DPYD: variants seen among roughly 807,000 people sequenced by gnomAD.
DPYD encodes dihydropyrimidine dehydrogenase.
A neutral mutation model predicts 116.2 loss-of-function variants in DPYD; 109 were observed. That is an observed-to-expected ratio of 0.94 (90% CI 0.80 to 1.10). The LOEUF (loss-of-function observed/expected upper bound fraction) is 1.10. Ranked by LOEUF, DPYD falls within the 50% of genes least tolerant of loss-of-function variation. The pLI, the probability that DPYD is intolerant of heterozygous loss-of-function variation, is 0.00. For missense variants in DPYD, 1,302 were observed against 1,254.5 expected (o/e 1.04, Z -0.57); for synonymous variants, 440 against 432.0 (o/e 1.02, Z -0.23).
At chr1:97,419,409 T>C (rs2101692059) in intron 14 of DPYD, among the ~76,000 whole-genome samples, 1 of 152,304 alleles carries the variant, frequency 6.6e-6, no homozygotes, top group East Asian at 1.9e-4. Flanking sequence ...TACCAGGTCC[T>C]CTAGACCTGG....
At chr1:97,725,870 C>T (rs540286203) in intron 4 of DPYD, among the ~76,000 whole-genome samples, 20 of 151,164 alleles carry the variant, frequency 1.3e-4, no homozygotes, top group Non-Finnish European at 2.8e-4. Context: ...TTTTTTTTAG[C>T]GGTGATAAAA....
intron 1 of DPYD, among the ~76,000 whole-genome samples, chr1:97,888,071 A>G (rs1416805849): frequency 6.6e-6 from 1 of 152,040 alleles, no homozygotes; most frequent in Non-Finnish European, 1.5e-5. Flanking sequence ...CATGAGAACT[A>G]ATACACACTT....
intron 15 of DPYD, among the ~76,000 whole-genome samples, chr1:97,380,387 A>T (rs1240665627): frequency 6.6e-6 from 1 of 152,230 alleles, no homozygotes; most frequent in Non-Finnish European, 1.5e-5. Flanking sequence ...TACTAATTTG[A>T]CACAAGCAGT....
At position 97,920,953 on chromosome 1, in the gene DPYD, G is replaced by T. The variant is rs946976694; in HGVS notation, c.-31C>A. On this transcript the variant is annotated 5_prime_UTR_variant, in exon 1 of 23. Transcript: ENST00000370192. The stretch of plus-strand genomic sequence containing the variant: ...TGCCTACAGTCTCGAGTCTGCCAGT[G>T]ACAAACCCTCCTTGCGTCCTCAAGC... 2 of 1,571,964 alleles carry T rather than the reference G, an allele frequency of 1.3e-6. No individual in the cohort carries two copies. The highest frequency in any genetic ancestry group is 2.3e-5 in the South Asian group (2 of 85,346).
Position 97,771,386 on chromosome 1 carries a change from T to C in DPYD, c.234-30907A>G, listed in dbSNP as rs528729378. Among the ~76,000 whole-genome samples the C allele has an allele frequency of 1.1e-4, 16 of 152,354 alleles. No homozygotes were observed. The South Asian group carries it at 3.3e-3, about 32-fold the overall frequency. The stretch of plus-strand genomic sequence containing the variant: ...TCACATTTCTAGTAAAAAATACTTC[T>C]GCCTTTTTAACCAGAAATTGATCTC... On this transcript the variant is annotated intron_variant, in intron 3 of 22. Coordinates refer to ENST00000370192, the MANE Select transcript of DPYD (RefSeq NM_000110.4).
At chr1:97,583,508 T>C (rs1653846453) in intron 10 of DPYD, among the ~76,000 whole-genome samples, 2 of 152,146 alleles carry the variant, frequency 1.3e-5, no homozygotes, top group South Asian at 4.1e-4. Flanking sequence ...GCCTTTGTAG[T>C]TCCTCCTTTA....
chr1:97,170,617 G>A (rs1557909117), intron 20 of DPYD, among the ~76,000 whole-genome samples: 1 of 151,996 alleles, frequency 6.6e-6, no homozygotes, highest in Non-Finnish European at 1.5e-5. Context: ...ATTCCCTGAA[G>A]GTCTTCTCTT....
intron 16 of DPYD, among the ~76,000 whole-genome samples, chr1:97,348,777 T>C (rs982798725): frequency 3.9e-5 from 6 of 152,082 alleles, no homozygotes; most frequent in African/African-American, 1.4e-4. Context: ...ATAAGAGCTG[T>C]CATGTGTGAC....
At chr1:97,548,365 G>A (rs570857737) in intron 12 of DPYD, among the ~76,000 whole-genome samples, 56 of 152,266 alleles carry the variant, frequency 3.7e-4, no homozygotes, top group Middle Eastern at 3.4e-3. Context: ...AGTCGTTGTG[G>A]CAAAGTATGC....
intron 13 of DPYD, among the ~76,000 whole-genome samples, chr1:97,491,722 C>G (rs1368874769): frequency 6.6e-6 from 1 of 152,056 alleles, no homozygotes; most frequent in African/African-American, 2.4e-5. Context: ...AAACTTCTAT[C>G]TCTAAAGGCT....
At chr1:97,268,703 G>A (rs548296042) in intron 18 of DPYD, among the ~76,000 whole-genome samples, 1 of 152,192 alleles carries the variant, frequency 6.6e-6, no homozygotes, top group Admixed American at 6.5e-5. Context: ...ATAGTGCAGG[G>A]CACCTAATGC....
At chr1:97,723,777 G>A (rs1663057225) in intron 4 of DPYD, among the ~76,000 whole-genome samples, 1 of 151,426 alleles carries the variant, frequency 6.6e-6, no homozygotes, top group South Asian at 2.1e-4. Context: ...AGTCAACACA[G>A]AAATATCTTA....
At chr1:97,173,084 T>C (rs1656854493) in intron 20 of DPYD, among the ~76,000 whole-genome samples, 1 of 151,968 alleles carries the variant, frequency 6.6e-6, no homozygotes, top group Non-Finnish European at 1.5e-5. Flanking sequence ...TGCGTCCGGC[T>C]TCCACTAATA....
chr1:97,621,647 G>A (rs538192295), intron 8 of DPYD, among the ~76,000 whole-genome samples: 1 of 152,152 alleles, frequency 6.6e-6, no homozygotes, highest in South Asian at 2.1e-4. Context: ...TAACATCACA[G>A]TAGCAATGAG....
intron 8 of DPYD, among the ~76,000 whole-genome samples, chr1:97,621,749 G>A (rs1557842721): frequency 6.6e-6 from 1 of 151,822 alleles, no homozygotes; most frequent in Non-Finnish European, 1.5e-5. Flanking sequence ...CTAGGACTTA[G>A]GAAGGAAATA....
chr1:97,576,282 A>G (rs1042740788), intron 10 of DPYD, among the ~76,000 whole-genome samples: 1 of 152,150 alleles, frequency 6.6e-6, no homozygotes, highest in Non-Finnish European at 1.5e-5. Flanking sequence ...AACAACTCCA[A>G]ATGTTTATGG....
intron 20 of DPYD, among the ~76,000 whole-genome samples, chr1:97,173,504 TACAC>T (rs139289595): frequency 4.1e-4 from 62 of 150,806 alleles, no homozygotes; most frequent in African/African-American, 1.4e-3. Flanking sequence ...ATATATAAAA[TACAC>T]ACACAAAAGG....
chr1:97,868,674 G>T (rs1280989099), intron 2 of DPYD, among the ~76,000 whole-genome samples: 1 of 151,718 alleles, frequency 6.6e-6, no homozygotes, highest in Non-Finnish European at 1.5e-5. Flanking sequence ...TTAAGGTGAA[G>T]AATCACACCC....
chr1:97,159,738 A>C (rs1655749811), intron 20 of DPYD, among the ~76,000 whole-genome samples: 1 of 152,100 alleles, frequency 6.6e-6, no homozygotes, highest in Admixed American at 6.6e-5. Flanking sequence ...ATATGAAAAA[A>C]TGGGAAAATA....
Sources: allele counts gnomAD v4.1 joint callset (sites outside exome capture counted in the v4.1 genomes callset), GRCh38; gene constraint gnomAD v4.1.1; transcripts MANE v1.5; gene names NCBI Gene and HGNC (gene_info 2026-07-23, HGNC 2026-07-21).